Variants in CPSF4L observed in about 807,000 individuals in gnomAD.
CPSF4L encodes cleavage and polyadenylation specific factor 4 like.
In CPSF4L, 18 loss-of-function variants were observed where a neutral mutation model predicts 24.0. The observed-to-expected ratio is 0.75, with a 90% CI of 0.52 to 1.11. The LOEUF (loss-of-function observed/expected upper bound fraction) is 1.11. CPSF4L is among the 50% of genes least tolerant of loss of function. The probability of loss-of-function intolerance (pLI) is 0.00; values close to 1 mark genes in which losing one functional copy is unlikely to be tolerated. For synonymous variants in CPSF4L, 72 were observed against 77.2 expected (o/e 0.93, Z 0.35); for missense variants, 211 against 221.8 (o/e 0.95, Z 0.31).
upstream of CPSF4L, chr17:73,262,155 A>G (rs2062049976): frequency 4.0e-6 from 1 of 246,916 alleles, no homozygotes; most frequent in Admixed American, 4.9e-5. Flanking sequence ...GTGCACACAG[A>G]CATTACCAAA....
At chr17:73,247,231 G>T, downstream of CPSF4L, 1 of 1,611,634 alleles carries the variant, frequency 6.2e-7, no homozygotes, top group African/African-American at 1.3e-5. Flanking sequence ...TTACTATCTG[G>T]CCTTTACAGA....
intron 2 of CPSF4L, 45 bp downstream of exon 2, chr17:73,260,888 C>T (rs1365631569): frequency 1.3e-6 from 2 of 1,508,898 alleles, no homozygotes; most frequent in East Asian, 4.9e-5. Context: ...TCAGACAGAC[C>T]CTACACTCAC....
chr17:73,257,198 C>T (rs1437804132), intron 3 of CPSF4L, among the ~76,000 whole-genome samples: 5 of 152,096 alleles, frequency 3.3e-5, no homozygotes, highest in Non-Finnish European at 5.9e-5. Flanking sequence ...GCTAGTTCTC[C>T]GTTTATGGAA....
At chr17:73,247,434 G>A, downstream of CPSF4L, 4 of 1,268,136 alleles carry the variant, frequency 3.2e-6, no homozygotes, top group South Asian at 1.2e-5. Flanking sequence ...ACACCTAAGT[G>A]TAGTGGTAGC....
At chr17:73,242,541 C>T in the CPSF4L span, among the ~76,000 whole-genome samples, 1 of 152,144 alleles carries the variant, frequency 6.6e-6, no homozygotes, top group Non-Finnish European at 1.5e-5. Context: ...AAGCTAATAA[C>T]AGCTACCATT....
At chr17:73,252,511 G>A (rs369174740) in intron 5 of CPSF4L, 119 bp downstream of exon 5, 18 of 702,572 alleles carry the variant, frequency 2.6e-5, no homozygotes, top group African/African-American at 1.2e-4. Context: ...ATACTGGAGC[G>A]GATGCTTGCC....
chr17:73,257,717 T>C lies in CPSF4L; in HGVS notation c.271A>G (p.Thr91Ala). The C allele has an allele frequency of 6.4e-7, 1 of 1,551,720 alleles. No individual in the cohort carries two copies. ...TAGAAGTAGCACTCAGGCATCCTGG[T>C]GAGGTCATACTGGTGCAGGAACTTG... ...HCKFLHQYDL[T>A]RMPECYFYSK... Residue 91 changes from threonine to alanine, a missense_variant, in exon 3 of 6, where the codon ACC (threonine) becomes GCC (alanine). Coordinates refer to ENST00000344935, the MANE Select transcript of CPSF4L (RefSeq NM_001129885.1).
At chr17:73,247,569 A>C, downstream of CPSF4L, 1 of 474,824 alleles carries the variant, frequency 2.1e-6, no homozygotes, top group Non-Finnish European at 3.8e-6. Context: ...ACTTAGTCAC[A>C]GTAAATATTT....
At chr17:73,251,121 G>A (rs764168845) in intron 5 of CPSF4L, 26 of 1,530,742 alleles carry the variant, frequency 1.7e-5, no homozygotes, top group South Asian at 1.3e-4. Context: ...AAGTGCAGTC[G>A]TGAGAAAACA....
the CPSF4L span, chr17:73,243,002 G>A: frequency 6.2e-7 from 1 of 1,610,436 alleles, no homozygotes; most frequent in South Asian, 1.1e-5. Flanking sequence ...TCAGACGTCT[G>A]AGTAAGTCTT....
intron 5 of CPSF4L, chr17:73,250,186 G>C (rs2061999088): frequency 6.6e-7 from 1 of 1,513,546 alleles, no homozygotes; most frequent in Middle Eastern, 1.7e-4. Context: ...TGGAACTTGG[G>C]AAACAGAATC....
chr17:73,247,178 G>A (rs2061962401), downstream of CPSF4L: 2 of 1,435,270 alleles, frequency 1.4e-6, no homozygotes, highest in Admixed American at 1.7e-5. Flanking sequence ...GCAAAGTCGA[G>A]TAGTTGCGAC....
chr17:73,256,188 T>C (rs1318471083), intron 3 of CPSF4L, among the ~76,000 whole-genome samples: 1 of 152,158 alleles, frequency 6.6e-6, no homozygotes, highest in Non-Finnish European at 1.5e-5. Context: ...CACCGAGGGC[T>C]ATTGAGGGAA....
At chr17:73,244,686 T>A (rs2061917741), downstream of CPSF4L, 1 of 150,000 alleles carries the variant, frequency 6.7e-6, no homozygotes, top group Non-Finnish European at 1.5e-5. Flanking sequence ...CCAGCATAAT[T>A]CACACACTGG....
chr17:73,250,263 A>G, intron 5 of CPSF4L: 1 of 1,550,682 alleles, frequency 6.4e-7, no homozygotes, highest in Non-Finnish European at 8.7e-7. Context: ...CTATCAGTTG[A>G]GTCTTACTGT....
In CPSF4L at chr17:73,261,790, C is replaced by T. The variant is rs1277503352; in HGVS notation, c.29G>A (p.Arg10Gln). 19 of 1,551,644 alleles carry T rather than the reference C, an allele frequency of 1.2e-5. 1 individual carries two copies. The highest frequency in any genetic ancestry group is 7.1e-5 in the South Asian group (6 of 84,068). Residue 10 changes from arginine to glutamine, a missense_variant, in exon 1 of 6, where the codon CGG (arginine) becomes CAG (glutamine). Arg to Gln is a conservative substitution (Grantham distance 43). Transcript: ENST00000344935. MQEVIAGLERFTFAFEKDVE... is the reference protein window; with the variant it reads MQEVIAGLEQFTFAFEKDVE... ...ATCCTTCTCGAAGGCAAAGGTGAAC[C>T]GCTCTAGCCCCGCAATGACCTCTTG...
Position 73,255,937 on chromosome 17 carries a change from C to A in CPSF4L, c.307+1744G>T, listed in dbSNP as rs931186988. ...TGGGCTGAAGACCCCGGACACCAGT[C>A]CCTTCCAGTGACTCTGTCCCACTCC... On this transcript the variant is annotated intron_variant, in intron 3 of 5. Coordinates refer to ENST00000344935, the MANE Select transcript of CPSF4L (RefSeq NM_001129885.1). Among the ~76,000 whole-genome samples, 69 of 152,312 alleles carry A rather than the reference C, an allele frequency of 4.5e-4. 1 individual carries two copies. Among genetic ancestry groups the A allele is most frequent in the African/African-American group, 1.5e-3 (63 of 41,570 alleles).
intron 3 of CPSF4L, among the ~76,000 whole-genome samples, chr17:73,254,885 G>A (rs2145278448): frequency 2.0e-5 from 3 of 151,944 alleles, no homozygotes; most frequent in Middle Eastern, 3.4e-3. Context: ...CTCGTGATCC[G>A]CCCACCTTGG....
At chr17:73,255,915 G>A (rs903869233) in intron 3 of CPSF4L, among the ~76,000 whole-genome samples, 8 of 152,198 alleles carry the variant, frequency 5.3e-5, no homozygotes, top group African/African-American at 1.9e-4. Context: ...GGGGTACTGG[G>A]CTGAAGACCC....
Sources: allele counts gnomAD v4.1 joint callset (sites outside exome capture counted in the v4.1 genomes callset), GRCh38; gene constraint gnomAD v4.1.1; transcripts MANE v1.5; gene names NCBI Gene and HGNC (gene_info 2026-07-23, HGNC 2026-07-21).